Variants in ARMH3 observed in about 807,000 individuals in gnomAD.
ARMH3 encodes the protein armadillo like helical domain containing 3, also known as armadillo-like helical domain-containing protein 3.
ARMH3 carries 60 observed loss-of-function variants against 99.1 expected under a neutral mutation model. The observed-to-expected ratio is 0.61, with a 90% CI of 0.49 to 0.75. The LOEUF is 0.75. Ranked by LOEUF, ARMH3 falls within the 30% of genes least tolerant of loss-of-function variation. ARMH3 has a pLI of 0.00. For missense variants in ARMH3, 679 were observed against 843.1 expected (o/e 0.81, Z 2.41); for synonymous variants, 285 against 292.8 (o/e 0.97, Z 0.27).
At chr10:101,968,161 A>G (rs1845618061) in intron 20 of ARMH3, among the ~76,000 whole-genome samples, 1 of 152,088 alleles carries the variant, frequency 6.6e-6, no homozygotes, top group Non-Finnish European at 1.5e-5. Flanking sequence ...TTTCCACATG[A>G]AAGTTCCCAG....
chr10:102,052,921 A>G (rs748896164), intron 1 of ARMH3, among the ~76,000 whole-genome samples: 11 of 152,004 alleles, frequency 7.2e-5, no homozygotes, highest in Non-Finnish European at 1.6e-4. Context: ...GCCTCTTTCC[A>G]TACCCTAACC....
At chr10:101,916,138 T>TTCAAC (rs1843078848) in intron 23 of ARMH3, among the ~76,000 whole-genome samples, 2 of 152,014 alleles carry the variant, frequency 1.3e-5, no homozygotes, top group South Asian at 4.1e-4. Flanking sequence ...TCAACAGTAG[T>TTCAAC]AGGGCCCAGA....
At chr10:101,989,867 A>G (rs1846693779) in intron 19 of ARMH3, among the ~76,000 whole-genome samples, 1 of 152,236 alleles carries the variant, frequency 6.6e-6, no homozygotes, top group African/African-American at 2.4e-5. Context: ...GTAGGCTAAG[A>G]ATGGATCAGA....
chr10:102,033,125 C>T lies in ARMH3; in HGVS notation c.207G>A (p.Glu69=), dbSNP rs184518171. The T allele has an allele frequency of 3.7e-5, 59 of 1,614,212 alleles. No individual in the cohort carries two copies. The East Asian group carries it at 1.3e-3, about 35-fold the overall frequency. ...LEGKLESLDG[E]ELMKIKDNIN... ...TATTGTCCTTGATCTTCATTAACTC[C>T]TCACCATCAAGAGATTCCAGCTTGC... Residue 69 remains glutamate (E), a synonymous_variant, in exon 4 of 26, where the codon GAG becomes GAA. Coordinates refer to ENST00000370033, the MANE Select transcript of ARMH3 (RefSeq NM_024541.3).
chr10:101,931,220 G>A (rs568241594), intron 23 of ARMH3, among the ~76,000 whole-genome samples: 22 of 152,326 alleles, frequency 1.4e-4, no homozygotes, highest in African/African-American at 5.3e-4. Flanking sequence ...AATCTGAGCT[G>A]TAGTTATCTC....
At chr10:101,892,274 G>C (rs188074099) in intron 23 of ARMH3, among the ~76,000 whole-genome samples, 1 of 151,774 alleles carries the variant, frequency 6.6e-6, no homozygotes, top group Non-Finnish European at 1.5e-5. Context: ...GTGAGACCTT[G>C]TCTCTACAAA....
intron 20 of ARMH3, among the ~76,000 whole-genome samples, chr10:101,971,737 C>A (rs962870260): frequency 6.6e-6 from 1 of 152,090 alleles, no homozygotes; most frequent in Non-Finnish European, 1.5e-5. Flanking sequence ...GACATTTTTT[C>A]TGAATACAAA....
At chr10:101,945,023 C>T (rs1714670297) in intron 22 of ARMH3, among the ~76,000 whole-genome samples, 1 of 152,072 alleles carries the variant, frequency 6.6e-6, no homozygotes, top group South Asian at 2.1e-4. Context: ...CCCACTAAAG[C>T]CTCTATCTCC....
chr10:101,958,599 A>T (rs1000897260), intron 20 of ARMH3, among the ~76,000 whole-genome samples: 1 of 152,094 alleles, frequency 6.6e-6, no homozygotes, highest in African/African-American at 2.4e-5. Flanking sequence ...GGGATACTAT[A>T]AAGGGGTTCA....
intron 23 of ARMH3, among the ~76,000 whole-genome samples, chr10:101,896,214 G>A (rs1245786702): frequency 6.6e-6 from 1 of 151,776 alleles, no homozygotes; most frequent in Non-Finnish European, 1.5e-5. Context: ...CTAGGTGAGA[G>A]CACAGACCCT....
chr10:101,896,460 G>C (rs2067838129), intron 23 of ARMH3, among the ~76,000 whole-genome samples: 1 of 152,150 alleles, frequency 6.6e-6, no homozygotes, highest in South Asian at 2.1e-4. Context: ...TTGGGTATAG[G>C]GTTTCTTTCA....
At chr10:101,871,187 C>T (rs2067123415) in intron 24 of ARMH3, among the ~76,000 whole-genome samples, 1 of 151,690 alleles carries the variant, frequency 6.6e-6, no homozygotes, top group South Asian at 2.1e-4. Context: ...TTTAACAGAC[C>T]TAAATAAATG....
chr10:101,910,055 T>C (rs1842802568), intron 23 of ARMH3, among the ~76,000 whole-genome samples: 1 of 152,232 alleles, frequency 6.6e-6, no homozygotes, highest in East Asian at 1.9e-4. Flanking sequence ...GTTACTTGTC[T>C]ACCTGCTCTT....
At chr10:101,921,010 T>C (rs1843285308) in intron 23 of ARMH3, among the ~76,000 whole-genome samples, 1 of 152,142 alleles carries the variant, frequency 6.6e-6, no homozygotes, top group Non-Finnish European at 1.5e-5. Context: ...GGGGAGTTGT[T>C]TAATCAGTAC....
chr10:101,913,673 G>C (rs1304208215), intron 23 of ARMH3, among the ~76,000 whole-genome samples: 1 of 152,146 alleles, frequency 6.6e-6, no homozygotes, highest in Non-Finnish European at 1.5e-5. Context: ...GCCCACATCA[G>C]TCTTGACCAG....
intron 14 of ARMH3, among the ~76,000 whole-genome samples, chr10:102,005,915 G>A (rs1250380174): frequency 6.6e-6 from 1 of 152,170 alleles, no homozygotes; most frequent in East Asian, 1.9e-4. Flanking sequence ...AACTGGGAGT[G>A]GCTGATAGAC....
At chr10:102,042,197 A>G (rs141696991) in intron 1 of ARMH3, among the ~76,000 whole-genome samples, 64 of 152,364 alleles carry the variant, frequency 4.2e-4, no homozygotes, top group African/African-American at 1.4e-3. Flanking sequence ...ATTGGAAATC[A>G]AGAGAATCCT....
At chr10:101,925,918 AT>A (rs1843491757) in intron 23 of ARMH3, among the ~76,000 whole-genome samples, 2 of 152,242 alleles carry the variant, frequency 1.3e-5, no homozygotes, top group Non-Finnish European at 2.9e-5. Flanking sequence ...CTCAAAAAAA[AT>A]ATAAATAAAT....
In ARMH3 at chr10:102,038,734, T is replaced by C. The variant is rs567474234; in HGVS notation, c.102+1279A>G. On this transcript the variant is annotated intron_variant, in intron 2 of 25. Coordinates refer to ENST00000370033, the MANE Select transcript of ARMH3 (RefSeq NM_024541.3). Reference sequence around the variant, plus strand: ...AGGCACATAATAGAAACCCAATATATGGTCTTTTTTTTTTTTCTTTTTTTT... The same window carrying C: ...AGGCACATAATAGAAACCCAATATACGGTCTTTTTTTTTTTTCTTTTTTTT... Among the ~76,000 whole-genome samples, 214 of 151,952 alleles carry C rather than the reference T, an allele frequency of 1.4e-3. 1 individual carries two copies. In the Middle Eastern group the frequency reaches 0.017, roughly 12 times the overall value.
Sources: gnomAD v4.1 joint callset for allele counts (sites outside exome capture counted in the v4.1 genomes callset) on GRCh38, gnomAD v4.1.1 for gene constraint, MANE v1.5 for transcripts, NCBI Gene and HGNC (gene_info 2026-07-23, HGNC 2026-07-21) for gene names.